SLC9D1: variants seen among roughly 807,000 people sequenced by gnomAD.
SLC9D1 encodes solute carrier family 9 member D1.
chr13:113,536,725 T>A, the SLC9D1 span: 1 of 180,410 alleles, frequency 5.5e-6, no homozygotes, highest in Admixed American at 6.5e-5. Flanking sequence ...TGCCACAATG[T>A]ATTCTTTCCA....
At chr13:113,536,664 A>G in the SLC9D1 span, 1 of 730,700 alleles carries the variant, frequency 1.4e-6, no homozygotes, top group Non-Finnish European at 1.7e-6. Flanking sequence ...CTCACCGTGC[A>G]CCTGCTGCCA....
At chr13:113,517,702 C>A in the SLC9D1 span, among the ~76,000 whole-genome samples, 2 of 152,170 alleles carry the variant, frequency 1.3e-5, no homozygotes, top group Non-Finnish European at 2.9e-5. Flanking sequence ...TTTAATATTA[C>A]AAAATAATAA....
chr13:113,546,868 C>T, the SLC9D1 span, among the ~76,000 whole-genome samples: 13 of 152,106 alleles, frequency 8.5e-5, no homozygotes, highest in Non-Finnish European at 1.9e-4. This position sits in a 1 kb window ranked among gnomAD's most constrained non-coding sequence, Gnocchi z 7.1. Context: ...AATGTGTGAG[C>T]CAAATAAAGG....
the SLC9D1 span, among the ~76,000 whole-genome samples, chr13:113,502,100 C>T: frequency 6.6e-6 from 1 of 152,178 alleles, no homozygotes; most frequent in Non-Finnish European, 1.5e-5. Flanking sequence ...CGCCCCTGCT[C>T]GTTTCCATTA....
chr13:113,542,658 G>T, the SLC9D1 span, among the ~76,000 whole-genome samples: 1 of 152,302 alleles, frequency 6.6e-6, no homozygotes, highest in Non-Finnish European at 1.5e-5. Context: ...CTGTGGAGCA[G>T]CCTGGAGTAG....
chr13:113,547,525 C>T, the SLC9D1 span: 1 of 649,492 alleles, frequency 1.5e-6, no homozygotes, highest in East Asian at 2.7e-5. Flanking sequence ...GGCCACTGGA[C>T]CCCGGGGGAG....
At chr13:113,520,483 C>CA in the SLC9D1 span, 51,972 of 362,840 alleles carry the variant, frequency 0.14, 10 homozygotes, top group Middle Eastern at 0.16. Flanking sequence ...AACTCCATCT[C>CA]AAAAAAAAAA....
At chr13:113,519,640 CCGTGTGGTGGCTTGGGTGCGTCTG>C in the SLC9D1 span, among the ~76,000 whole-genome samples, 1 of 152,122 alleles carries the variant, frequency 6.6e-6, no homozygotes, top group African/African-American at 2.4e-5. Flanking sequence ...AAGGCTCATT[CCGTGTGGTGGCTTGGGTGCGTCTG>C]CACCATTTGG....
the SLC9D1 span, chr13:113,511,610 C>T: frequency 6.6e-6 from 1 of 152,358 alleles, no homozygotes; most frequent in African/African-American, 2.4e-5. Context: ...GGCCATGGGC[C>T]TCCTCCGTGC....
the SLC9D1 span, chr13:113,520,753 A>C: frequency 6.5e-7 from 1 of 1,547,264 alleles, no homozygotes; most frequent in Non-Finnish European, 8.9e-7. Flanking sequence ...TTGTGTACGC[A>C]ATTTGTTTTT....
At chr13:113,522,697 A>G in the SLC9D1 span, among the ~76,000 whole-genome samples, 1 of 151,518 alleles carries the variant, frequency 6.6e-6, no homozygotes, top group Non-Finnish European at 1.5e-5. Context: ...CAGTGTCGTG[A>G]TCTCGGCTCA....
chr13:113,525,081 C>T, the SLC9D1 span, among the ~76,000 whole-genome samples: 1 of 152,182 alleles, frequency 6.6e-6, no homozygotes, highest in Non-Finnish European at 1.5e-5. Context: ...TAACTTATCA[C>T]TGTTTGCTGG....
chr13:113,529,108 G>T, the SLC9D1 span: 2 of 152,198 alleles, frequency 1.3e-5, no homozygotes, highest in East Asian at 3.8e-4. Context: ...TAACATGCTG[G>T]CATAAGACAT....
chr13:113,532,736 G>A, the SLC9D1 span, among the ~76,000 whole-genome samples: 5 of 151,954 alleles, frequency 3.3e-5, no homozygotes, highest in South Asian at 6.2e-4. Flanking sequence ...TCTGAGTCGC[G>A]GACTTGGGCC....
chr13:113,491,772 C>G, the SLC9D1 span, among the ~76,000 whole-genome samples: 12 of 152,266 alleles, frequency 7.9e-5, no homozygotes, highest in Non-Finnish European at 2.9e-5. Context: ...CCTGGCCCCC[C>G]TCCTGTGACT....
At chr13:113,519,534 G>A in the SLC9D1 span, among the ~76,000 whole-genome samples, 2 of 152,196 alleles carry the variant, frequency 1.3e-5, no homozygotes, top group East Asian at 3.8e-4. Context: ...CTTCTTTCCA[G>A]AGTTGTTCCT....
chr13:113,543,750 G>C, the SLC9D1 span, among the ~76,000 whole-genome samples: 1 of 150,872 alleles, frequency 6.6e-6, no homozygotes, highest in Non-Finnish European at 1.5e-5. Context: ...ATGTCTGAGA[G>C]CTCCTGTTAA....
chr13:113,549,835 T>A, the SLC9D1 span: 1 of 581,670 alleles, frequency 1.7e-6, no homozygotes, highest in Non-Finnish European at 3.0e-6. Context: ...TCCCTGAAAT[T>A]ATTATTAATT....
chr13:113,493,448 C>T, the SLC9D1 span, among the ~76,000 whole-genome samples: 1 of 152,082 alleles, frequency 6.6e-6, no homozygotes, highest in Admixed American at 6.6e-5. Context: ...TTGGACCAAC[C>T]GAGAGAAGCT....
Sources: gnomAD v4.1 joint callset for allele counts (sites outside exome capture counted in the v4.1 genomes callset) on GRCh38, gnomAD v4.1.1 for gene constraint, Gnocchi (gnomAD v3.1) non-coding constraint, MANE v1.5 for transcripts, NCBI Gene and HGNC (gene_info 2026-07-23, HGNC 2026-07-21) for gene names.